The following ZNF469 variants were observed in gnomAD, a reference collection of about 807,000 sequenced individuals.
The protein encoded by ZNF469 is zinc finger protein 469.
Under a neutral mutation model 1.0 loss-of-function variants are expected in ZNF469, and 1 was observed. The ratio of observed to expected loss-of-function variants is 1.00; its 90% CI spans 0.35 to 4.73. The LOEUF is 4.73. Ranked by LOEUF, ZNF469 falls within the 30% of genes most tolerant of loss-of-function variation. ZNF469 has a pLI of 0.16. For missense variants in ZNF469, 6,100 were observed against 5,356.3 expected (o/e 1.14, Z -4.33); for synonymous variants, 2,703 against 2,363.4 (o/e 1.14, Z -4.17).
At chr16:88,316,994 C>T in the ZNF469 span, among the ~76,000 whole-genome samples, 5 of 152,220 alleles carry the variant, frequency 3.3e-5, no homozygotes, top group African/African-American at 1.2e-4. Context: ...TCGGCATTCT[C>T]CCTCCCAACC....
At chr16:88,376,030 G>A in the ZNF469 span, among the ~76,000 whole-genome samples, 2 of 152,256 alleles carry the variant, frequency 1.3e-5, no homozygotes, top group Non-Finnish European at 2.9e-5. Flanking sequence ...GCCAGGTATG[G>A]AAAAGAAAAC....
At chr16:88,229,897 A>C in the ZNF469 span, among the ~76,000 whole-genome samples, 8 of 151,984 alleles carry the variant, frequency 5.3e-5, no homozygotes, top group African/African-American at 1.9e-4. Flanking sequence ...TGGCTCTCCC[A>C]GGGGCACGGG....
the ZNF469 span, among the ~76,000 whole-genome samples, chr16:88,238,511 G>A: frequency 4.6e-3 from 696 of 152,302 alleles, 5 homozygotes; most frequent in African/African-American, 0.016. Flanking sequence ...AGGTAGACCC[G>A]AGGTAGACTG....
chr16:88,195,284 G>A, the ZNF469 span: 1 of 152,372 alleles, frequency 6.6e-6, no homozygotes, highest in East Asian at 1.9e-4. Context: ...AAAGCAGGAG[G>A]CGGCCCAGGG....
chr16:88,144,793 G>A, the ZNF469 span, among the ~76,000 whole-genome samples: 2 of 151,950 alleles, frequency 1.3e-5, no homozygotes, highest in Non-Finnish European at 2.9e-5. Flanking sequence ...TGCTAGACGT[G>A]TCCATATTCT....
chr16:88,392,426 C>T (rs974323750), intron 1 of ZNF469, among the ~76,000 whole-genome samples: 4 of 152,242 alleles, frequency 2.6e-5, no homozygotes, highest in African/African-American at 7.2e-5. Flanking sequence ...CTGTTTTCTC[C>T]GGGAAGCCAC....
rs115855271 is a variant in ZNF469, at chr16:88,417,341, T to A, written c.-191-7466T>A. 3.2e-3 allele frequency among the ~76,000 whole-genome samples: 495 copies of A among 152,350 alleles called. 4 individuals are homozygous for A. The highest frequency in any genetic ancestry group is 0.011 in the African/African-American group (472 of 41,586). On this transcript the variant is annotated intron_variant, in intron 1 of 2. Transcript: ENST00000565624. ...TCATTCTAGAAATCCAAGGCAGGGC[T>A]GCTCGACCGGCCAATGAGAGAAAGG... is the stretch of plus-strand genomic sequence containing the variant.
the ZNF469 span, among the ~76,000 whole-genome samples, chr16:88,149,157 CT>C: frequency 2.0e-5 from 3 of 152,178 alleles, no homozygotes; most frequent in Non-Finnish European, 4.4e-5. Flanking sequence ...CACACAAGGT[CT>C]CCTGGTACCA....
the ZNF469 span, among the ~76,000 whole-genome samples, chr16:88,249,423 CT>C: frequency 6.8e-4 from 42 of 61,746 alleles, 1 homozygote; most frequent in African/African-American, 2.5e-3. Context: ...CTTTCTTTTT[CT>C]TTTTCTTTTT....
At chr16:88,410,735 C>A (rs1284543076) in intron 1 of ZNF469, among the ~76,000 whole-genome samples, 1 of 151,504 alleles carries the variant, frequency 6.6e-6, no homozygotes, top group African/African-American at 2.4e-5. Context: ...GTTGATGGTG[C>A]AGGTCACACA....
the ZNF469 span, among the ~76,000 whole-genome samples, chr16:88,125,342 G>A: frequency 6.6e-6 from 1 of 152,232 alleles, no homozygotes; most frequent in Non-Finnish European, 1.5e-5. Flanking sequence ...TTGCATTTCA[G>A]AAATTCAAAG....
In ZNF469 at chr16:88,432,653, A is replaced by C; in HGVS notation, c.5183A>C (p.Gln1728Pro). 6.4e-7 allele frequency: 1 copy of C among 1,550,430 alleles called. No individual in the cohort carries two copies. The part of the protein sequence containing the change: ...QDVCLPEPSK[Q>P]PGPQLDAGSL... ...GTCTGCCTGCCTGAGCCCAGCAAGC[A>C]GCCTGGCCCACAGCTGGATGCCGGG... The change falls in exon 3 of 3, where the codon CAG (glutamine) becomes CCG (proline). Residue 1728 changes from glutamine to proline, a missense_variant. Gln to Pro is a moderately conservative substitution (Grantham distance 76). Coordinates refer to ENST00000565624, the MANE Select transcript of ZNF469 (RefSeq NM_001367624.2).
Position 88,435,998 on chromosome 16 carries a change from G to A in ZNF469, c.8528G>A (p.Gly2843Asp), listed in dbSNP as rs1301478529. 1.9e-6 allele frequency: 3 copies of A among 1,550,140 alleles called. No homozygotes were observed. Among genetic ancestry groups the A allele is most frequent in the Non-Finnish European group, 2.6e-6 (3 of 1,146,992 alleles). Reference protein sequence around the residue: ...GPEGPTPDASGSSAKDPPSLF... With the variant: ...GPEGPTPDASDSSAKDPPSLF... ...GAAGGCCCCACTCCTGATGCCTCTG[G>A]CTCCAGTGCCAAGGATCCTCCAAGC... The change falls in exon 3 of 3, where the codon GGC (glycine) becomes GAC (aspartate). Residue 2843 changes from glycine to aspartate, a missense_variant. By Grantham distance (94) the Gly-to-Asp change is moderately conservative (BLOSUM62 -1). Coordinates refer to ENST00000565624, the MANE Select transcript of ZNF469 (RefSeq NM_001367624.2).
chr16:88,437,765 A>G lies in ZNF469; in HGVS notation c.10295A>G (p.Gln3432Arg), dbSNP rs1269544566. 1 of 1,549,522 alleles carries G rather than the reference A, an allele frequency of 6.5e-7. No homozygotes were observed. Among genetic ancestry groups the G allele is most frequent in the Non-Finnish European group, 8.7e-7 (1 of 1,146,422 alleles). ...AACTACACCTTCGCCAAGAAGGAGC[A>G]GTTCGACCGCCACATGAACAAGCAC... is the stretch of plus-strand genomic sequence containing the variant. ...SCNYTFAKKE[Q>R]FDRHMNKHLR... Residue 3432 changes from glutamine to arginine, a missense_variant, in exon 3 of 3, where the codon CAG (glutamine) becomes CGG (arginine). Physicochemically the swap from Gln to Arg is conservative, Grantham distance 43. Coordinates refer to ENST00000565624, the MANE Select transcript of ZNF469 (RefSeq NM_001367624.2).
chr16:88,387,350 C>CT (rs771241239), intron 1 of ZNF469, among the ~76,000 whole-genome samples: 8 of 152,210 alleles, frequency 5.3e-5, no homozygotes, highest in Non-Finnish European at 7.4e-5. Context: ...GTTCACCAGG[C>CT]TGGCTTCAGG....
Position 88,429,369 on chromosome 16 carries a change from C to G in ZNF469, c.1899C>G (p.Ala633=). The G allele has an allele frequency of 6.5e-7, 1 of 1,549,804 alleles. No individual in the cohort carries two copies. Among genetic ancestry groups the G allele is most frequent in the Non-Finnish European group, 8.7e-7 (1 of 1,146,746 alleles). The change falls in exon 3 of 3, where the codon GCC becomes GCG. Residue 633 remains alanine, a synonymous_variant. Coordinates refer to ENST00000565624, the MANE Select transcript of ZNF469 (RefSeq NM_001367624.2). ...SQLPGPLGPS[A]FFHPPTHPQE... is the part of the protein sequence containing the mutation. ...TCCCCGGCCCCCTCGGGCCCTCGGCCTTCTTCCACCCACCCACTCACCCCC... is the reference window on the plus strand; with the variant it reads ...TCCCCGGCCCCCTCGGGCCCTCGGCGTTCTTCCACCCACCCACTCACCCCC...
the ZNF469 span, among the ~76,000 whole-genome samples, chr16:88,198,343 A>G: frequency 6.6e-6 from 1 of 152,172 alleles, no homozygotes; most frequent in Non-Finnish European, 1.5e-5. Flanking sequence ...GGGACGTGGG[A>G]AGCCCGGCAG....
At chr16:88,139,809 G>A in the ZNF469 span, among the ~76,000 whole-genome samples, 5 of 152,342 alleles carry the variant, frequency 3.3e-5, no homozygotes, top group South Asian at 1.0e-3. Context: ...CTCGACACCT[G>A]AGTCTGGTGA....
At chr16:88,342,595 C>T in the ZNF469 span, among the ~76,000 whole-genome samples, 26 of 152,318 alleles carry the variant, frequency 1.7e-4, no homozygotes, top group Admixed American at 6.5e-4. Flanking sequence ...CTCAGCCTCT[C>T]GGACCTCCTG....
Sources: allele counts gnomAD v4.1 joint callset (sites outside exome capture counted in the v4.1 genomes callset), GRCh38; gene constraint gnomAD v4.1.1; transcripts MANE v1.5; gene names NCBI Gene and HGNC (gene_info 2026-07-23, HGNC 2026-07-21).